PYGM: variants seen among roughly 807,000 people sequenced by gnomAD.
PYGM encodes glycogen phosphorylase, muscle associated.
Under a neutral mutation model 99.3 loss-of-function variants are expected in PYGM, and 81 were observed. The observed-to-expected ratio is 0.82, with a 90% CI of 0.68 to 0.98. The LOEUF (loss-of-function observed/expected upper bound fraction) is 0.98, where lower values mean the gene tolerates loss of function less well. Ranked by LOEUF, PYGM falls within the 50% of genes least tolerant of loss-of-function variation. The pLI is 0.00. For missense variants in PYGM, 1,030 were observed against 1,158.1 expected (o/e 0.89, Z 1.61); for synonymous variants, 436 against 451.5 (o/e 0.97, Z 0.44).
At position 64,754,860 on chromosome 11, in the gene PYGM, G is replaced by A. The variant is rs2058383987; in HGVS notation, c.856-24C>T. The A allele has an allele frequency of 6.2e-7, 1 of 1,612,734 alleles. No individual in the cohort carries two copies. Among genetic ancestry groups the A allele is most frequent in the South Asian group, 1.1e-5 (1 of 91,018 alleles). On this transcript the variant is annotated intron_variant, in intron 7 of 19. Transcript: ENST00000164139. This position sits in a 1 kb window ranked among gnomAD's most constrained non-coding sequence, Gnocchi z 5.5. ...AACTGGGGACAGCATGAGGCAGCGT[G>A]AGTCAGGGCGGTGGGGGCATGGCCT...
Position 64,753,515 on chromosome 11 carries a change from T to TCA in PYGM, c.1403+2_1403+3dup. Reference sequence around the variant, plus strand: ...AGGGGCGGGATCTGGAAAGCGGGGCTCACATGGTCTTCTTGAGGATCTCGG... The same window carrying TCA: ...AGGGGCGGGATCTGGAAAGCGGGGCTCACACATGGTCTTCTTGAGGATCTCGG... On this transcript the variant is annotated splice_donor_region_variant and intron_variant, in intron 11 of 19. Coordinates refer to ENST00000164139, the MANE Select transcript of PYGM (RefSeq NM_005609.4). The TCA allele has an allele frequency of 6.3e-7, 1 of 1,584,518 alleles. No individual in the cohort carries two copies. Among genetic ancestry groups the TCA allele is most frequent in the Non-Finnish European group, 8.5e-7 (1 of 1,169,808 alleles).
At chr11:64,747,028 G>T in intron 18 of PYGM, 41 bp from the exon 19 acceptor site, 1 of 1,605,996 alleles carries the variant, frequency 6.2e-7, no homozygotes, top group Non-Finnish European at 8.5e-7. Context: ...CCTTTAGGGG[G>T]CTAGGATAAG....
intron 16 of PYGM, chr11:64,751,098 G>C (rs2058352816): frequency 1.8e-6 from 1 of 555,698 alleles, no homozygotes; most frequent in East Asian, 3.5e-5. Context: ...CACCATGTTG[G>C]CCAGGCTGGT....
intron 1 of PYGM, 108 bp from the exon 2 acceptor site, chr11:64,758,812 C>CCG: frequency 1.0e-6 from 1 of 966,616 alleles, no homozygotes; most frequent in South Asian, 1.3e-5. Flanking sequence ...GCTCAGCAGT[C>CCG]CCATCCCTGT....
intron 5 of PYGM, 62 bp downstream of exon 5, chr11:64,757,717 C>G: frequency 2.5e-6 from 4 of 1,609,232 alleles, no homozygotes. Flanking sequence ...TGCTTCCTCT[C>G]TGGGCTTCCT....
upstream of PYGM, chr11:64,760,095 G>A (rs2058425125): frequency 3.6e-6 from 3 of 822,054 alleles, no homozygotes; most frequent in Non-Finnish European, 3.7e-6. Context: ...AAGGGGAGGA[G>A]AGGAGAGGGG....
intron 1 of PYGM, 146 bp downstream of exon 1, chr11:64,759,510 T>G (rs2058418784): frequency 3.7e-6 from 5 of 1,359,390 alleles, no homozygotes; most frequent in Admixed American, 4.0e-5. Flanking sequence ...TCCCTCAGAT[T>G]GTCCCAGCAC....
At position 64,754,881 on chromosome 11, in the gene PYGM, G is replaced by A. The variant is rs1263853519; in HGVS notation, c.856-45C>T. 2 of 1,609,170 alleles carry A rather than the reference G, an allele frequency of 1.2e-6. No individual in the cohort carries two copies. The highest frequency in any genetic ancestry group is 2.2e-5 in the East Asian group (1 of 44,808). The stretch of plus-strand genomic sequence containing the variant: ...GCGTGAGTCAGGGCGGTGGGGGCAT[G>A]GCCTAAAGCTGCGGTGGGTGTGGCC... On this transcript the variant is annotated intron_variant, in intron 7 of 19. Transcript: ENST00000164139. The surrounding 1 kb of genome is among the most constrained non-coding windows in gnomAD (Gnocchi z 5.5).
At chr11:64,747,541 C>A in intron 17 of PYGM, 183 bp from the exon 18 acceptor site, 1 of 702,378 alleles carries the variant, frequency 1.4e-6, no homozygotes. Flanking sequence ...GCTTTTCATC[C>A]CTCCTTTGTG....
In PYGM at chr11:64,751,992, T is replaced by G. The variant is rs1006658592; in HGVS notation, c.1700A>C (p.Gln567Pro). The change falls in exon 14 of 20, where the codon CAG (glutamine) becomes CCG (proline). Residue 567 changes from glutamine (Q) to proline (P), a missense_variant. Transcript: ENST00000164139. ...TTTATATTCGTGAATCCGCTTCACCTGGATGTCGAAGAGTGAGTTGGGGTT... is the reference window on the plus strand; with the variant it reads ...TTTATATTCGTGAATCCGCTTCACCGGGATGTCGAAGAGTGAGTTGGGGTT... ...HINPNSLFDIQVKRIHEYKRQ... is the reference protein window; with the variant it reads ...HINPNSLFDIPVKRIHEYKRQ... 6.2e-7 allele frequency: 1 copy of G among 1,608,888 alleles called. No homozygotes were observed. The highest frequency in any genetic ancestry group is 1.1e-5 in the South Asian group (1 of 90,964).
intron 18 of PYGM, 80 bp from the exon 19 acceptor site, chr11:64,747,067 C>T: frequency 1.3e-6 from 2 of 1,579,888 alleles, no homozygotes; most frequent in East Asian, 2.2e-5. Context: ...CAAGCCTGCC[C>T]TGTCCCAGTG....
At position 64,753,981 on chromosome 11, in the gene PYGM, C is replaced by T. The variant is rs756447366; in HGVS notation, c.1137G>A (p.Thr379=). The T allele has an allele frequency of 2.5e-6, 4 of 1,606,584 alleles. No individual in the cohort carries two copies. The highest frequency in any genetic ancestry group is 2.2e-5 in the East Asian group (1 of 44,586). ...TVRTCAYTNH[T]VLPEALERWP... Reference sequence around the variant, plus strand: ...AGCGCTCCAGGGCCTCGGGCAGCACCGTGTGGTTGGTGTAGGCACAGGTCC... The same window carrying T: ...AGCGCTCCAGGGCCTCGGGCAGCACTGTGTGGTTGGTGTAGGCACAGGTCC... The change falls in exon 10 of 20, where the codon ACG becomes ACA. Residue 379 remains threonine (T), a synonymous_variant. Transcript: ENST00000164139.
intron 18 of PYGM, 34 bp from the exon 19 acceptor site, chr11:64,747,021 T>A: frequency 6.2e-7 from 1 of 1,609,386 alleles, no homozygotes; most frequent in Non-Finnish European, 8.5e-7. Flanking sequence ...TGCTATTCCT[T>A]TAGGGGGCTA....
Position 64,753,641 on chromosome 11 carries a change from C to T in PYGM, c.1281G>A (p.Arg427=), listed in dbSNP as rs1221356291. 6.2e-7 allele frequency: 1 copy of T among 1,608,898 alleles called. No homozygotes were observed. Among genetic ancestry groups the T allele is most frequent in the South Asian group, 1.1e-5 (1 of 90,690 alleles). ...AAFPGDVDRL[R]RMSLVEEGAV... ...CGCCCTCCTCCACCAGCGACATGCG[C>T]CGCAGCCGGTCTACGTCCCCTGGGA... Residue 427 remains arginine (R), a synonymous_variant, in exon 11 of 20, where the codon CGG becomes CGA. Coordinates refer to ENST00000164139, the MANE Select transcript of PYGM (RefSeq NM_005609.4).
rs1296087687 is a variant in PYGM, at chr11:64,753,548, G to A, written c.1374C>T (p.Arg458=). 2 of 1,598,398 alleles carry A rather than the reference G, an allele frequency of 1.3e-6. No individual in the cohort carries two copies. Among genetic ancestry groups the A allele is most frequent in the South Asian group, 2.2e-5 (2 of 89,556 alleles). The change falls in exon 11 of 20, where the codon CGC becomes CGT. Residue 458 remains arginine (R), a synonymous_variant. Coordinates refer to ENST00000164139, the MANE Select transcript of PYGM (RefSeq NM_005609.4). ...AGSHAVNGVA[R]IHSEILKKTI... Reference sequence around the variant, plus strand: ...TCTTCTTGAGGATCTCGGAGTGGATGCGCGCCACGCCGTTGACGGCGTGCG... The same window carrying A: ...TCTTCTTGAGGATCTCGGAGTGGATACGCGCCACGCCGTTGACGGCGTGCG...
intron 14 of PYGM, 114 bp from the exon 15 acceptor site, chr11:64,751,769 T>G: frequency 6.6e-7 from 1 of 1,513,770 alleles, no homozygotes; most frequent in Non-Finnish European, 9.1e-7. Context: ...CTTGCTATGC[T>G]CTCTTAGCCT....
At chr11:64,757,634 G>T in intron 5 of PYGM, 145 bp downstream of exon 5, 1 of 1,267,154 alleles carries the variant, frequency 7.9e-7, no homozygotes, top group Non-Finnish European at 1.1e-6. Context: ...CCTGGCTTCA[G>T]CTGTGTGACT....
intron 13 of PYGM, 108 bp from the exon 14 acceptor site, chr11:64,752,179 G>T: frequency 1.3e-6 from 2 of 1,499,902 alleles, no homozygotes; most frequent in Non-Finnish European, 1.9e-6. Flanking sequence ...AGGCTCACTG[G>T]CTACTTCTGT....
intron 10 of PYGM, 55 bp downstream of exon 10, chr11:64,753,824 C>T: frequency 6.5e-7 from 1 of 1,548,590 alleles, no homozygotes; most frequent in Non-Finnish European, 8.7e-7. Context: ...ACTCCCAGGC[C>T]CAGACTGGGT....
Sources: gnomAD v4.1 joint callset for allele counts on GRCh38, gnomAD v4.1.1 for gene constraint, Gnocchi (gnomAD v3.1) non-coding constraint, MANE v1.5 for transcripts, NCBI Gene and HGNC (gene_info 2026-07-23, HGNC 2026-07-21) for gene names.